The following SLC10A7 variants were observed in gnomAD, a reference collection of about 807,000 sequenced individuals.
The protein encoded by SLC10A7 is sodium/bile acid cotransporter 7.
A neutral mutation model predicts 43.2 loss-of-function variants in SLC10A7; 29 were observed. That is an observed-to-expected ratio of 0.67 (90% CI 0.50 to 0.92). The LOEUF (loss-of-function observed/expected upper bound fraction) is 0.92. Ranked by LOEUF, SLC10A7 falls within the 40% of genes least tolerant of loss-of-function variation. The probability of loss-of-function intolerance (pLI) is 0.00; values close to 1 mark genes in which losing one functional copy is unlikely to be tolerated. For synonymous variants in SLC10A7, 152 were observed against 144.8 expected, an observed-to-expected ratio of 1.05 and a Z score of -0.35; for missense variants, 295 against 403.2, an observed-to-expected ratio of 0.73 and a Z score of 2.30.
chr4:146,474,302 C>T (rs1733853676), intron 4 of SLC10A7, among the ~76,000 whole-genome samples: 1 of 152,102 alleles, frequency 6.6e-6, no homozygotes, highest in Admixed American at 6.6e-5. Context: ...AAATTATACA[C>T]ATCCCTTCTT....
intron 8 of SLC10A7, among the ~76,000 whole-genome samples, chr4:146,293,202 G>A (rs1730559535): frequency 6.6e-6 from 1 of 152,130 alleles, no homozygotes; most frequent in Non-Finnish European, 1.5e-5. Context: ...TTGTTATTGA[G>A]GGAAAACCTA....
chr4:146,309,323 T>A (rs1321327559), intron 6 of SLC10A7, among the ~76,000 whole-genome samples: 1 of 152,118 alleles, frequency 6.6e-6, no homozygotes, highest in African/African-American at 2.4e-5. Context: ...ACATTTACAG[T>A]CCCATTGCCC....
At chr4:146,392,204 T>C (rs1405119409) in intron 5 of SLC10A7, among the ~76,000 whole-genome samples, 1 of 152,210 alleles carries the variant, frequency 6.6e-6, no homozygotes, top group Non-Finnish European at 1.5e-5. Flanking sequence ...TTCGTGAATC[T>C]ATATTATAAA....
chr4:146,452,789 A>G lies in SLC10A7; in HGVS notation c.397-9968T>C, dbSNP rs138285874. 4.4e-3 allele frequency among the ~76,000 whole-genome samples: 673 copies of G among 152,092 alleles called. 2 individuals carry two copies. The highest frequency in any genetic ancestry group is 0.015 in the African/African-American group (625 of 41,532). ...AAGAGGGCACTTTTAATGTGATACC[A>G]TTTTTATATATATCATTGTATTTTT... On this transcript the variant is annotated intron_variant, in intron 4 of 11. Transcript: ENST00000335472.
intron 5 of SLC10A7, among the ~76,000 whole-genome samples, chr4:146,431,782 A>G (rs1470125426): frequency 2.6e-5 from 4 of 152,272 alleles, no homozygotes; most frequent in Middle Eastern, 3.4e-3. Context: ...AGAAAAAAAA[A>G]GACAAACTAG....
At chr4:146,406,176 T>C (rs1261073840) in intron 5 of SLC10A7, among the ~76,000 whole-genome samples, 1 of 152,146 alleles carries the variant, frequency 6.6e-6, no homozygotes, top group African/African-American at 2.4e-5. Flanking sequence ...AAATAAAAGC[T>C]ACAGCCTTTC....
At chr4:146,262,257 G>A (rs576009730) in intron 10 of SLC10A7, among the ~76,000 whole-genome samples, 1 of 152,328 alleles carries the variant, frequency 6.6e-6, no homozygotes. Context: ...GATAAGCAGA[G>A]TGAGAGTTAA....
intron 4 of SLC10A7, among the ~76,000 whole-genome samples, chr4:146,460,743 G>A (rs1234786718): frequency 6.6e-6 from 1 of 151,816 alleles, no homozygotes; most frequent in African/African-American, 2.4e-5. Flanking sequence ...TTGTAGTAGT[G>A]TTTATACAAT....
intron 5 of SLC10A7, among the ~76,000 whole-genome samples, chr4:146,406,775 G>A (rs2149824738): frequency 6.6e-6 from 1 of 152,260 alleles, no homozygotes; most frequent in Non-Finnish European, 1.5e-5. Flanking sequence ...CTAAGGTCAG[G>A]AGTTTGAGAC....
chr4:146,306,562 C>T (rs978673273), intron 6 of SLC10A7, among the ~76,000 whole-genome samples: 1 of 152,088 alleles, frequency 6.6e-6, no homozygotes, highest in African/African-American at 2.4e-5. Flanking sequence ...CAATATAGCT[C>T]CCCTAAATTT....
chr4:146,290,184 C>T (rs1192098087), intron 9 of SLC10A7, among the ~76,000 whole-genome samples: 3 of 150,882 alleles, frequency 2.0e-5, no homozygotes, highest in Admixed American at 6.6e-5. Flanking sequence ...ATTAGCCAGG[C>T]GTGGTGGCGG....
intron 5 of SLC10A7, among the ~76,000 whole-genome samples, chr4:146,373,510 A>C (rs566372784): frequency 6.6e-6 from 1 of 152,070 alleles, no homozygotes; most frequent in South Asian, 2.1e-4. Flanking sequence ...AATAAATACA[A>C]GGGCCAGGCA....
At position 146,509,788 on chromosome 4, in the gene SLC10A7, A is replaced by C. The variant is rs532223093; in HGVS notation, c.320+125T>G. 4 of 776,862 alleles carry C rather than the reference A, an allele frequency of 5.1e-6. No homozygotes were observed. In the African/African-American group the frequency reaches 5.4e-5, roughly 10 times the overall value. 48.1% of individuals were successfully genotyped at this position (776,862 alleles called of 1,614,324 possible). ...ACTATTGTTTTAAAGGAAAACAAAG[A>C]TGTGTTTTTACTTCCTTTTAAGATG... is the stretch of plus-strand genomic sequence containing the variant. On this transcript the variant is annotated intron_variant, in intron 3 of 11. Transcript: ENST00000335472.
At chr4:146,415,869 T>C (rs1728524071) in intron 5 of SLC10A7, among the ~76,000 whole-genome samples, 1 of 152,182 alleles carries the variant, frequency 6.6e-6, no homozygotes, top group Non-Finnish European at 1.5e-5. Flanking sequence ...TGAAATATCA[T>C]AGATTGCGAA....
At chr4:146,406,251 T>C (rs1463314506) in intron 5 of SLC10A7, among the ~76,000 whole-genome samples, 2 of 152,198 alleles carry the variant, frequency 1.3e-5, no homozygotes, top group African/African-American at 2.4e-5. Context: ...TAGAATTTTA[T>C]AGAATTTTCA....
chr4:146,257,418 A>C (rs1431447234), intron 11 of SLC10A7, among the ~76,000 whole-genome samples: 1 of 152,176 alleles, frequency 6.6e-6, no homozygotes, highest in Non-Finnish European at 1.5e-5. Context: ...AAACCTTCTA[A>C]AAGTGATGTT....
At chr4:146,492,443 C>G (rs1336645780) in intron 4 of SLC10A7, among the ~76,000 whole-genome samples, 1 of 152,072 alleles carries the variant, frequency 6.6e-6, no homozygotes, top group Non-Finnish European at 1.5e-5. Flanking sequence ...TCTTGGCTCA[C>G]TACAACCTCC....
chr4:146,260,201 TTA>T (rs1560740861), intron 10 of SLC10A7, among the ~76,000 whole-genome samples: 3 of 102,858 alleles, frequency 2.9e-5, no homozygotes, highest in Middle Eastern at 9.2e-3. Context: ...GGGCCTTTTT[TTA>T]AAAAAAAGCT....
chr4:146,445,824 T>C (rs997658867), intron 4 of SLC10A7, among the ~76,000 whole-genome samples: 1 of 151,976 alleles, frequency 6.6e-6, no homozygotes, highest in Non-Finnish European at 1.5e-5. Flanking sequence ...TCTCTGACCA[T>C]AGTCTCTGAC....
Sources: allele counts gnomAD v4.1 joint callset (sites outside exome capture counted in the v4.1 genomes callset), GRCh38; gene constraint gnomAD v4.1.1; transcripts MANE v1.5; gene names NCBI Gene and HGNC (gene_info 2026-07-23, HGNC 2026-07-21).